The following SEC61G variants were observed in gnomAD, a reference collection of about 807,000 sequenced individuals.
SEC61G encodes the protein protein transport protein Sec61 subunit gamma.
SEC61G carries 4 observed loss-of-function variants against 7.5 expected under a neutral mutation model. The observed-to-expected ratio is 0.54, with a 90% CI of 0.26 to 1.22. The LOEUF is 1.22. SEC61G is among the 50% of genes most tolerant of loss of function. The pLI, the probability that SEC61G is intolerant of heterozygous loss-of-function variation, is 0.12. For missense variants in SEC61G, 53 were observed against 84.6 expected (o/e 0.63, Z 1.46); for synonymous variants, 24 against 24.4 (o/e 0.98, Z 0.05).
At chr7:54,756,951 A>ATATATACTATATACTATATATAC (rs1380141391) in intron 2 of SEC61G, among the ~76,000 whole-genome samples, 6 of 145,510 alleles carry the variant, frequency 4.1e-5, no homozygotes, top group African/African-American at 1.5e-4. Context: ...ACTATACTAT[A>ATATATACTATATACTATATATAC]TATATACTAT....
intron 2 of SEC61G, among the ~76,000 whole-genome samples, chr7:54,756,594 A>C (rs1791519976): frequency 6.6e-6 from 1 of 152,206 alleles, no homozygotes; most frequent in South Asian, 2.1e-4. Context: ...CGGAGGTTGC[A>C]GTGAGCCGAG....
chr7:54,758,666 G>A (rs1791571388), intron 1 of SEC61G, among the ~76,000 whole-genome samples: 1 of 152,174 alleles, frequency 6.6e-6, no homozygotes, highest in Non-Finnish European at 1.5e-5. Flanking sequence ...AAAAACGCAC[G>A]CTACACACAA....
chr7:54,754,563 C>T (rs1462122218), intron 3 of SEC61G, among the ~76,000 whole-genome samples: 4 of 152,174 alleles, frequency 2.6e-5, no homozygotes, highest in Admixed American at 2.6e-4. Context: ...CTGAATATCA[C>T]TTTGTGGCAC....
At chr7:54,754,021 T>C (rs1261716506) in intron 3 of SEC61G, among the ~76,000 whole-genome samples, 3 of 152,122 alleles carry the variant, frequency 2.0e-5, no homozygotes, top group Non-Finnish European at 4.4e-5. Flanking sequence ...CCAGACTCTA[T>C]AGGAGAGACA....
chr7:54,756,974 C>CTATATACTATATTATATACTATATACTA (rs1424444260), intron 2 of SEC61G, among the ~76,000 whole-genome samples: 2 of 96,852 alleles, frequency 2.1e-5, no homozygotes, highest in East Asian at 3.1e-4. Context: ...ACTATATATA[C>CTATATACTATATTATATACTATATACTA]TATATACTAT....
chr7:54,752,459 T>C, intron 3 of SEC61G, 39 bp from the exon 4 acceptor site: 2 of 1,300,988 alleles, frequency 1.5e-6, no homozygotes, highest in Non-Finnish European at 2.2e-6. Flanking sequence ...TGAGCATAGA[T>C]AAGATTTTAA....
At chr7:54,752,479 T>C in intron 3 of SEC61G, 59 bp from the exon 4 acceptor site, 1 of 1,129,146 alleles carries the variant, frequency 8.9e-7, no homozygotes, top group Non-Finnish European at 1.3e-6. Flanking sequence ...ATAATTATTA[T>C]TATTTGAAAT....
intron 1 of SEC61G, 23 bp downstream of exon 1, chr7:54,759,135 C>T: frequency 1.9e-6 from 1 of 518,160 alleles, no homozygotes; most frequent in Non-Finnish European, 3.9e-6. Flanking sequence ...TTCGCCCGTA[C>T]CGACCGGTGG....
Position 54,752,386 on chromosome 7 carries a change from T to G in SEC61G, c.*25A>C. Reference sequence around the variant, plus strand: ...CACACTTGTTCACCAATCTCTAAGATGAAAAACTCTCTTCCAAAATGTATT... The same window carrying G: ...CACACTTGTTCACCAATCTCTAAGAGGAAAAACTCTCTTCCAAAATGTATT... On this transcript the variant is annotated 3_prime_UTR_variant, in exon 4 of 4. Transcript: ENST00000352861. 6.6e-7 allele frequency: 1 copy of G among 1,526,046 alleles called. No individual in the cohort carries two copies. 94.5% of individuals were successfully genotyped at this position (1,526,046 alleles called of 1,614,324 possible). A position where few individuals can be genotyped will look rare whatever the true frequency, so the allele number is the denominator to read the frequency against.
At chr7:54,757,181 C>A (rs1468315482) in intron 2 of SEC61G, among the ~76,000 whole-genome samples, 1 of 151,754 alleles carries the variant, frequency 6.6e-6, no homozygotes, top group Non-Finnish European at 1.5e-5. Flanking sequence ...GGGGTGGGAG[C>A]TGAGTAGGGA....
At chr7:54,758,973 G>A (rs753886664) in intron 1 of SEC61G, 185 bp downstream of exon 1, 56 of 314,194 alleles carry the variant, frequency 1.8e-4, no homozygotes, top group South Asian at 3.0e-4. Flanking sequence ...TCTGCCTTCC[G>A]CCAGAGGCCG....
chr7:54,758,470 T>C (rs920968767), intron 1 of SEC61G, among the ~76,000 whole-genome samples: 2 of 152,164 alleles, frequency 1.3e-5, no homozygotes, highest in Admixed American at 6.5e-5. Context: ...TTCCTTAGTG[T>C]AGGGTGTGGA....
At chr7:54,754,008 G>A (rs2116341374) in intron 3 of SEC61G, among the ~76,000 whole-genome samples, 1 of 152,250 alleles carries the variant, frequency 6.6e-6, no homozygotes. Flanking sequence ...AGGGGGCTCT[G>A]GACCAGACTC....
At chr7:54,758,695 G>C (rs752906851) in intron 1 of SEC61G, among the ~76,000 whole-genome samples, 1 of 152,126 alleles carries the variant, frequency 6.6e-6, no homozygotes, top group African/African-American at 2.4e-5. Flanking sequence ...TCAATGTCAG[G>C]GGTAGAGATC....
intron 1 of SEC61G, chr7:54,758,918 C>A: frequency 1.4e-5 from 4 of 289,940 alleles, no homozygotes; most frequent in South Asian, 1.1e-4. Context: ...GCCCTGGAGC[C>A]CCGCGGGCCG....
intron 3 of SEC61G, among the ~76,000 whole-genome samples, chr7:54,752,940 G>A (rs1791442831): frequency 6.6e-6 from 1 of 152,154 alleles, no homozygotes; most frequent in Admixed American, 6.5e-5. Flanking sequence ...AAACTGCATA[G>A]TCAGATATAC....
At chr7:54,756,655 T>C (rs140565833) in intron 2 of SEC61G, among the ~76,000 whole-genome samples, 207 of 152,160 alleles carry the variant, frequency 1.4e-3, no homozygotes, top group African/African-American at 4.7e-3. Context: ...TCTGTCTGAG[T>C]TGAGCACAAT....
At chr7:54,754,975 T>C (rs534939497) in intron 3 of SEC61G, 3 of 152,254 alleles carry the variant, frequency 2.0e-5, no homozygotes, top group East Asian at 1.9e-4. Context: ...GAGGCTGAGA[T>C]TAAATGCATA....
At chr7:54,757,363 A>C in intron 2 of SEC61G, 132 bp downstream of exon 2, 1 of 666,798 alleles carries the variant, frequency 1.5e-6, no homozygotes, top group South Asian at 2.3e-5. Context: ...AACGTTAAAA[A>C]GCTGTCGCGC....
Sources: allele counts gnomAD v4.1 joint callset (sites outside exome capture counted in the v4.1 genomes callset), GRCh38; gene constraint gnomAD v4.1.1; transcripts MANE v1.5; gene names NCBI Gene and HGNC (gene_info 2026-07-23, HGNC 2026-07-21).